The following ALG6 variants were observed in gnomAD, a reference collection of about 807,000 sequenced individuals.
ALG6 encodes the protein dolichyl pyrophosphate Man9GlcNAc2 alpha-1,3-glucosyltransferase.
ALG6 carries 46 observed loss-of-function variants against 66.6 expected under a neutral mutation model. The ratio of observed to expected loss-of-function variants is 0.69; its 90% CI spans 0.55 to 0.88. ALG6 has a LOEUF of 0.88. ALG6 is among the 40% of genes least tolerant of loss of function. ALG6 has a pLI of 0.00. For missense variants in ALG6, 505 were observed against 586.8 expected, an observed-to-expected ratio of 0.86 and a Z score of 1.44; for synonymous variants, 185 against 203.7, an observed-to-expected ratio of 0.91 and a Z score of 0.78.
At chr1:63,424,413 A>G (rs543102880) in intron 12 of ALG6, among the ~76,000 whole-genome samples, 1 of 152,332 alleles carries the variant, frequency 6.6e-6, no homozygotes, top group Admixed American at 6.5e-5. Flanking sequence ...TGCTGGGATT[A>G]CAGGCGTGAA....
rs189125739 is a variant in ALG6, at chr1:63,374,496, C to T, written c.82+3437C>T. 4.1e-3 allele frequency among the ~76,000 whole-genome samples: 626 copies of T among 152,022 alleles called. 4 individuals carry two copies. Among genetic ancestry groups the T allele is most frequent in the African/African-American group, 0.014 (566 of 41,462 alleles). On this transcript the variant is annotated intron_variant, in intron 2 of 14. Coordinates refer to ENST00000263440, the MANE Select transcript of ALG6 (RefSeq NM_013339.4). ...TACAAAAATTAGCCGGGTGTGGTGG[C>T]GGGTGCCTGTAGTCCCAGCTATTCC...
intron 2 of ALG6, among the ~76,000 whole-genome samples, chr1:63,383,583 C>A (rs998103248): frequency 6.6e-6 from 1 of 152,014 alleles, no homozygotes; most frequent in Non-Finnish European, 1.5e-5. Context: ...ACCTGGCTAA[C>A]ATGAAATGTT....
intron 14 of ALG6, among the ~76,000 whole-genome samples, chr1:63,434,703 G>T (rs892763593): frequency 1.3e-5 from 2 of 152,200 alleles, no homozygotes; most frequent in African/African-American, 4.8e-5. Flanking sequence ...GTGGCCCAGG[G>T]AAGCCAAAAG....
intron 2 of ALG6, among the ~76,000 whole-genome samples, chr1:63,381,517 G>A (rs569929182): frequency 6.6e-6 from 1 of 152,254 alleles, no homozygotes; most frequent in Admixed American, 6.5e-5. Context: ...GGTGGCGCAT[G>A]CCTGTAGTCC....
At chr1:63,420,385 AAT>A (rs1644567235) in intron 12 of ALG6, among the ~76,000 whole-genome samples, 6 of 152,180 alleles carry the variant, frequency 3.9e-5, no homozygotes, top group Admixed American at 3.9e-4. Flanking sequence ...AACATGTATT[AAT>A]ATATTTCCCC....
rs565489270 is a variant in ALG6 at position 63,417,183 on chromosome 1, C to T, written c.987+1226C>T. Among the ~76,000 whole-genome samples the T allele has an allele frequency of 2.0e-5, 3 of 152,218 alleles. No homozygotes were observed. The South Asian group carries it at 6.2e-4, about 32-fold the overall frequency. Reference sequence around the variant, plus strand: ...AACAGAATGGATATGGTGTAATGCTCTGATGTCTTCACTAGGCTTAACCTG... The same window carrying T: ...AACAGAATGGATATGGTGTAATGCTTTGATGTCTTCACTAGGCTTAACCTG... On this transcript the variant is annotated intron_variant, in intron 11 of 14. Transcript: ENST00000263440.
At chr1:63,380,160 G>C (rs1648257560) in intron 2 of ALG6, among the ~76,000 whole-genome samples, 1 of 152,124 alleles carries the variant, frequency 6.6e-6, no homozygotes, top group Admixed American at 6.6e-5. Flanking sequence ...CAAGAAACCA[G>C]ACAACTTTAC....
intron 2 of ALG6, among the ~76,000 whole-genome samples, chr1:63,393,878 G>A (rs1648742495): frequency 6.6e-6 from 1 of 152,154 alleles, no homozygotes; most frequent in East Asian, 1.9e-4. Context: ...TCTACTAGGT[G>A]CTATTACATT....
Position 63,411,011 on chromosome 1 carries a change from TA to T in ALG6, c.495-134del, listed in dbSNP as rs202143518. On this transcript the variant is annotated intron_variant, in intron 7 of 14. Transcript: ENST00000263440. ...CTATTGGGAAATAGCTTTCATTGTA[TA>T]TGTTATTTTAAAATCACATAAGAGA... The T allele has an allele frequency of 1.6e-5, 13 of 818,138 alleles. No homozygotes were observed. The East Asian group carries it at 3.2e-4, about 20-fold the overall frequency. The allele number at this position is 818,138 out of a possible 1,614,324, so 50.7% of individuals were successfully genotyped here. A position where few individuals can be genotyped will look rare whatever the true frequency, so the allele number is the denominator to read the frequency against.
intron 14 of ALG6, among the ~76,000 whole-genome samples, chr1:63,436,077 G>A (rs1021251051): frequency 6.6e-6 from 1 of 152,160 alleles, no homozygotes; most frequent in Admixed American, 6.5e-5. Flanking sequence ...CTCATTGAAA[G>A]CATTTAGCGA....
intron 3 of ALG6, among the ~76,000 whole-genome samples, chr1:63,397,809 G>A (rs1644413704): frequency 6.6e-6 from 1 of 152,088 alleles, no homozygotes; most frequent in Non-Finnish European, 1.5e-5. Context: ...GTGACCTTTG[G>A]CAAATCATTT....
chr1:63,412,640 G>C (rs1443005532), intron 9 of ALG6, among the ~76,000 whole-genome samples: 1 of 151,958 alleles, frequency 6.6e-6, no homozygotes, highest in Non-Finnish European at 1.5e-5. Flanking sequence ...TTTCTTATGA[G>C]ATATATAACC....
At chr1:63,414,013 A>G (rs1297740533) in intron 9 of ALG6, 48 bp from the exon 10 acceptor site, 1 of 1,431,238 alleles carries the variant, frequency 7.0e-7, no homozygotes, top group African/African-American at 1.4e-5. Context: ...GGGTTTTAAT[A>G]TTTCTTTCAA....
chr1:63,419,448 G>A lies in ALG6; in HGVS notation c.1058+8G>A. On this transcript the variant is annotated splice_region_variant and intron_variant, in intron 12 of 14. Coordinates refer to ENST00000263440, the MANE Select transcript of ALG6 (RefSeq NM_013339.4). Reference sequence around the variant, plus strand: ...CATTCTCTTGGTGTCACTGTAAGTAGAAACATTTGAAATATGTGTTTATTT... The same window carrying A: ...CATTCTCTTGGTGTCACTGTAAGTAAAAACATTTGAAATATGTGTTTATTT... 6.4e-7 allele frequency: 1 copy of A among 1,555,640 alleles called. No individual in the cohort carries two copies. The highest frequency in any genetic ancestry group is 8.8e-7 in the Non-Finnish European group (1 of 1,131,924).
intron 12 of ALG6, among the ~76,000 whole-genome samples, chr1:63,422,225 A>G (rs11208210): frequency 7.0e-5 from 5 of 71,582 alleles, no homozygotes; most frequent in African/African-American, 2.6e-4. Context: ...ATATTTATAT[A>G]AATATAAATA....
chr1:63,397,257 C>T (rs1648852865), intron 3 of ALG6, among the ~76,000 whole-genome samples: 1 of 151,904 alleles, frequency 6.6e-6, no homozygotes. Context: ...GTGATCTCAG[C>T]TCACTGCAAC....
At chr1:63,386,888 T>C (rs140396490) in intron 2 of ALG6, among the ~76,000 whole-genome samples, 6,592 of 152,286 alleles carry the variant, frequency 0.043, 196 homozygotes, top group Middle Eastern at 0.075. Flanking sequence ...GGTTGTTTAT[T>C]TGAAGTTTTT....
chr1:63,394,637 G>A (rs1648765920), intron 2 of ALG6, among the ~76,000 whole-genome samples: 1 of 152,022 alleles, frequency 6.6e-6, no homozygotes, highest in South Asian at 2.1e-4. Context: ...CAAAGTGCTG[G>A]GATTACAGGC....
At position 63,409,403 on chromosome 1, in the gene ALG6, T is replaced by C. The variant is rs115332059; in HGVS notation, c.495-1743T>C. 4.5e-3 allele frequency among the ~76,000 whole-genome samples: 681 copies of C among 152,312 alleles called. 6 individuals are homozygous for C. The highest frequency in any genetic ancestry group is 0.015 in the African/African-American group (627 of 41,570). On this transcript the variant is annotated intron_variant, in intron 7 of 14. Transcript: ENST00000263440. ...TCTTCTGTTCTGCTAAATTCTGTTA[T>C]ATTATTTCTTTGATGATTTTCTCAC...
Sources: allele counts gnomAD v4.1 joint callset (sites outside exome capture counted in the v4.1 genomes callset), GRCh38; gene constraint gnomAD v4.1.1; transcripts MANE v1.5; gene names NCBI Gene and HGNC (gene_info 2026-07-23, HGNC 2026-07-21).